The following RRM2 variants were observed in gnomAD, a reference collection of about 807,000 sequenced individuals.
The protein encoded by RRM2 is ribonucleotide reductase regulatory subunit M2.
RRM2 carries 6 observed loss-of-function variants against 45.9 expected under a neutral mutation model. That is an observed-to-expected ratio of 0.13 (90% CI 0.07 to 0.26). The LOEUF (loss-of-function observed/expected upper bound fraction) is 0.26. RRM2 is among the 10% of genes least tolerant of loss of function. The probability of loss-of-function intolerance (pLI) is 1.00; values close to 1 mark genes in which losing one functional copy is unlikely to be tolerated. For synonymous variants in RRM2, 177 were observed against 173.0 expected, an observed-to-expected ratio of 1.02 and a Z score of -0.18; for missense variants, 343 against 489.5, an observed-to-expected ratio of 0.70 and a Z score of 2.82.
chr2:10,202,578 GTT>G (rs896399158), intron 3 of RRM2, among the ~76,000 whole-genome samples: 1 of 152,156 alleles, frequency 6.6e-6, no homozygotes, highest in African/African-American at 2.4e-5. Context: ...TTGGAGGAGA[GTT>G]TTATTTTGGG....
At chr2:10,123,614 G>A (rs1421598469) in intron 3 of RRM2, 84 bp downstream of exon 3, 6 of 1,538,172 alleles carry the variant, frequency 3.9e-6, no homozygotes, top group Non-Finnish European at 4.4e-6. Context: ...CCGTTGGCAA[G>A]GGGGGCTAAC....
At chr2:10,197,096 G>A (rs78067541) in intron 3 of RRM2, among the ~76,000 whole-genome samples, 10,074 of 152,228 alleles carry the variant, frequency 0.066, 532 homozygotes, top group African/African-American at 0.14. Flanking sequence ...CTGCCATGGC[G>A]TCTCTCCAGG....
chr2:10,140,384 C>T (rs954706353), upstream of RRM2, among the ~76,000 whole-genome samples: 11 of 152,186 alleles, frequency 7.2e-5, no homozygotes, highest in Non-Finnish European at 1.6e-4. Context: ...CTGTGGCTGC[C>T]TTCACCATGG....
chr2:10,159,906 C>T (rs182109033), intron 3 of RRM2, among the ~76,000 whole-genome samples: 32 of 152,260 alleles, frequency 2.1e-4, no homozygotes, highest in South Asian at 2.1e-4. Context: ...AGGTGGGAAG[C>T]GCCCAGGAGG....
upstream of RRM2, among the ~76,000 whole-genome samples, chr2:10,139,268 T>C (rs1041731307): frequency 6.6e-6 from 1 of 152,240 alleles, no homozygotes; most frequent in African/African-American, 2.4e-5. Context: ...ACTGAGCCAC[T>C]TTCTCTGGTT....
chr2:10,141,131 C>T (rs907355463), upstream of RRM2, among the ~76,000 whole-genome samples: 1 of 152,136 alleles, frequency 6.6e-6, no homozygotes, highest in African/African-American at 2.4e-5. Context: ...CTTGGGATTT[C>T]GTGGAGAGGT....
At chr2:10,132,758 G>A (rs1416297218), downstream of RRM2, among the ~76,000 whole-genome samples, 1 of 152,196 alleles carries the variant, frequency 6.6e-6, no homozygotes, top group Non-Finnish European at 1.5e-5. Context: ...TGTAATGTCA[G>A]GTTGGCGCTG....
At chr2:10,199,547 C>G (rs866415289) in intron 3 of RRM2, among the ~76,000 whole-genome samples, 1 of 151,672 alleles carries the variant, frequency 6.6e-6, no homozygotes, top group Non-Finnish European at 1.5e-5. Flanking sequence ...TTTGGGAGGC[C>G]GAGGTGGGCG....
Position 10,149,289 on chromosome 2 carries a change from C to T in RRM2, n.482+6914C>T, listed in dbSNP as rs141689807. ...GATTACAGGCTTGCGCCACCATGCC[C>T]GGCTAATTTTGGTATTTTTAGTAGA... is the stretch of plus-strand genomic sequence containing the variant. On this transcript the variant is annotated intron_variant and non_coding_transcript_variant, in intron 3 of 3. Coordinates refer to the RRM2 transcript ENST00000381786. 9.7e-3 allele frequency among the ~76,000 whole-genome samples: 1,470 copies of T among 152,180 alleles called. 31 individuals carry two copies. Among genetic ancestry groups the T allele is most frequent in the African/African-American group, 0.033 (1,351 of 41,532 alleles).
chr2:10,133,497 T>C (rs971130886), downstream of RRM2, among the ~76,000 whole-genome samples: 8 of 152,126 alleles, frequency 5.3e-5, no homozygotes, highest in Non-Finnish European at 1.0e-4. Context: ...GGTCTGGAGA[T>C]CCTGATAATG....
downstream of RRM2, among the ~76,000 whole-genome samples, chr2:10,135,926 ATTGTC>A (rs749491488): frequency 9.3e-5 from 14 of 151,258 alleles, 1 homozygote; most frequent in Admixed American, 5.9e-4. Flanking sequence ...GAAGCGGGTT[ATTGTC>A]TTGGTGCTGC....
Position 10,122,757 on chromosome 2 carries a change from G to C in RRM2, c.-42G>C. 2 of 1,559,670 alleles carry C rather than the reference G, an allele frequency of 1.3e-6. No homozygotes were observed. Among genetic ancestry groups the C allele is most frequent in the East Asian group, 4.8e-5 (2 of 41,966 alleles). ...GTCGCCCGTGCACCCTGTCCCAGCC[G>C]TCCTGTCCTGGCTGCTCGCTCTGCT... On this transcript the variant is annotated 5_prime_UTR_variant, in exon 1 of 10. Coordinates refer to ENST00000304567, the MANE Select transcript of RRM2 (RefSeq NM_001034.4).
intron 3 of RRM2, among the ~76,000 whole-genome samples, chr2:10,158,045 G>A (rs1663471104): frequency 6.6e-6 from 1 of 152,184 alleles, no homozygotes; most frequent in Non-Finnish European, 1.5e-5. Flanking sequence ...GCATTATTGG[G>A]TACTCACCTG....
rs185531010 is a variant in RRM2 at position 10,200,616 on chromosome 2, C to T, written n.483-9695C>T. On this transcript the variant is annotated intron_variant and non_coding_transcript_variant, in intron 3 of 3. Transcript: ENST00000381786. Reference sequence around the variant, plus strand: ...CGCAAAATATGAGGCCCACAGGGACCGCGCGCGCAAAATATGAGGCCCACA... The same window carrying T: ...CGCAAAATATGAGGCCCACAGGGACTGCGCGCGCAAAATATGAGGCCCACA... Among the ~76,000 whole-genome samples the T allele has an allele frequency of 1.1e-3, 70 of 65,904 alleles. 9 individuals carry two copies. Among genetic ancestry groups the T allele is most frequent in the South Asian group, 2.2e-3 (4 of 1,782 alleles). 43.2% of individuals were successfully genotyped at this position (65,904 alleles called of 152,430 possible).
At chr2:10,174,114 G>A (rs936366645) in intron 3 of RRM2, among the ~76,000 whole-genome samples, 1 of 152,200 alleles carries the variant, frequency 6.6e-6, no homozygotes, top group African/African-American at 2.4e-5. Context: ...ATAAGAACCT[G>A]CCACCTTCTC....
chr2:10,176,270 A>AT lies in RRM2; in HGVS notation n.482+33903dup, dbSNP rs774068283. Among the ~76,000 whole-genome samples the AT allele has an allele frequency of 7.6e-4, 116 of 151,856 alleles. 1 individual carries two copies. Among genetic ancestry groups the AT allele is most frequent in the East Asian group, 2.7e-3 (14 of 5,172 alleles). On this transcript the variant is annotated intron_variant and non_coding_transcript_variant, in intron 3 of 3. Transcript: ENST00000381786. Reference sequence around the variant, plus strand: ...TGATCATATGGTAATTCTACTTCTAATTTTTTTTCTTTTTTTAGATGGAGT... The same window carrying AT: ...TGATCATATGGTAATTCTACTTCTAATTTTTTTTTCTTTTTTTAGATGGAGT...
In RRM2 at chr2:10,129,142, G is replaced by C. The variant is rs758044134; in HGVS notation, c.1005G>C (p.Leu335=). Reference sequence around the variant, plus strand: ...TGGCAGACAGACTTATGCTGGAACTGGGTTTTAGCAAGGTAAAGTATTGTT... The same window carrying C: ...TGGCAGACAGACTTATGCTGGAACTCGGTTTTAGCAAGGTAAAGTATTGTT... ...EFVADRLMLE[L]GFSKVFRVEN... is the part of the protein sequence containing the mutation. The change falls in exon 9 of 10, where the codon CTG becomes CTC. Residue 335 remains leucine (L), a synonymous_variant. Coordinates refer to ENST00000304567, the MANE Select transcript of RRM2 (RefSeq NM_001034.4). This position sits in a 1 kb window ranked among gnomAD's most constrained non-coding sequence, Gnocchi z 4.8. 1 of 1,613,822 alleles carries C rather than the reference G, an allele frequency of 6.2e-7. No homozygotes were observed. The highest frequency in any genetic ancestry group is 1.3e-5 in the African/African-American group (1 of 74,932).
At chr2:10,179,839 C>T (rs1664007662) in intron 3 of RRM2, among the ~76,000 whole-genome samples, 1 of 152,194 alleles carries the variant, frequency 6.6e-6, no homozygotes, top group African/African-American at 2.4e-5. Context: ...GGTTACTCTG[C>T]CAGTTACATA....
rs112545393 is a variant in RRM2 at position 10,181,194 on chromosome 2, G to A, written n.483-29117G>A. 4.7e-3 allele frequency among the ~76,000 whole-genome samples: 719 copies of A among 152,336 alleles called. 3 individuals carry two copies. Among genetic ancestry groups the A allele is most frequent in the Admixed American group, 8.4e-3 (129 of 15,296 alleles). On this transcript the variant is annotated intron_variant and non_coding_transcript_variant, in intron 3 of 3. Transcript: ENST00000381786. ...TCATTTAATTCTCATAATAGCCAGT[G>A]AGGCAGATATTCTATTTCTCAATTT...
Sources: gnomAD v4.1 joint callset for allele counts (sites outside exome capture counted in the v4.1 genomes callset) on GRCh38, gnomAD v4.1.1 for gene constraint, Gnocchi (gnomAD v3.1) non-coding constraint, MANE v1.5 for transcripts, NCBI Gene and HGNC (gene_info 2026-07-23, HGNC 2026-07-21) for gene names.